KANK2: variants seen among roughly 807,000 people sequenced by gnomAD.
KANK2 encodes KN motif and ankyrin repeat domain-containing protein 2.
Under a neutral mutation model 74.6 loss-of-function variants are expected in KANK2, and 41 were observed. The ratio of observed to expected loss-of-function variants is 0.55; its 90% CI spans 0.43 to 0.71. The LOEUF (loss-of-function observed/expected upper bound fraction) is 0.71. KANK2 is among the 30% of genes least tolerant of loss of function. The pLI is 0.00. For synonymous variants in KANK2, 537 were observed against 519.0 expected (o/e 1.03, Z -0.47); for missense variants, 1,148 against 1,196.4 (o/e 0.96, Z 0.60).
At chr19:11,196,220 A>C (rs997072904) in intron 1 of KANK2, 1 of 152,158 alleles carries the variant, frequency 6.6e-6, no homozygotes, top group Non-Finnish European at 1.5e-5. Flanking sequence ...CACCACGCCT[A>C]GCTAATTCTG....
chr19:11,175,792 G>C (rs527537491), intron 8 of KANK2, 110 bp downstream of exon 8: 9 of 704,330 alleles, frequency 1.3e-5, no homozygotes, highest in Non-Finnish European at 2.2e-5. Flanking sequence ...TCAGTGTCAG[G>C]GTCCCCACTA....
In KANK2 at chr19:11,193,004, G is replaced by A. The variant is rs781350531; in HGVS notation, c.1076C>T (p.Pro359Leu). The A allele has an allele frequency of 1.2e-6, 2 of 1,613,750 alleles. No homozygotes were observed. The highest frequency in any genetic ancestry group is 1.7e-6 in the Non-Finnish European group (2 of 1,179,884). Residue 359 changes from proline (P) to leucine (L), a missense_variant, in exon 4 of 13, where the codon CCT (proline) becomes CTT (leucine). By Grantham distance (98) the Pro-to-Leu change is moderately conservative. Transcript: ENST00000586659. The surrounding 1 kb of genome is among the most constrained non-coding windows in gnomAD (Gnocchi z 9.6). ...APAQRAQSLE[P>L]YGTGLRALAM... ...CAGGGCCCTCAGCCCTGTGCCGTAA[G>A]GCTCCAGGCTCTGGGCCCGCTGTGC...
chr19:11,176,755 T>C lies in KANK2; in HGVS notation c.1583A>G (p.Glu528Gly). 2 of 1,605,016 alleles carry C rather than the reference T, an allele frequency of 1.2e-6. No homozygotes were observed. The highest frequency in any genetic ancestry group is 3.4e-5 in the Admixed American group (2 of 58,798). The change falls in exon 7 of 13, where the codon GAG (glutamate) becomes GGG (glycine). Residue 528 changes from glutamate (E) to glycine (G), a missense_variant. By Grantham distance (98) the Glu-to-Gly change is moderately conservative. Transcript: ENST00000586659. ...CTCCCTCGGCTCTGGGGCCTCGTTC[T>C]CTGTGCTGTCGTTGTCTGAGATGTT... is the stretch of plus-strand genomic sequence containing the variant. ...AENISDNDST[E>G]NEAPEPRERV...
intron 1 of KANK2, chr19:11,197,127 G>C (rs1364627666): frequency 6.6e-6 from 1 of 152,638 alleles, no homozygotes; most frequent in Non-Finnish European, 1.5e-5. Flanking sequence ...TGCGGGGAGA[G>C]GGCAGAGCCG....
intron 4 of KANK2, among the ~76,000 whole-genome samples, chr19:11,187,868 A>G (rs1330213328): frequency 6.6e-6 from 1 of 152,116 alleles, no homozygotes; most frequent in African/African-American, 2.4e-5. Flanking sequence ...TGGAAGGATC[A>G]CTTCAGTCCC....
chr19:11,189,975 C>T (rs922788750), intron 4 of KANK2, among the ~76,000 whole-genome samples: 59 of 152,178 alleles, frequency 3.9e-4, no homozygotes, highest in Non-Finnish European at 7.8e-4. Context: ...CAACACGGGC[C>T]GGCGAGAAAA....
chr19:11,194,106 G>A, intron 3 of KANK2, 64 bp from the exon 4 acceptor site: 1 of 1,496,770 alleles, frequency 6.7e-7, no homozygotes, highest in Non-Finnish European at 9.0e-7. Flanking sequence ...GGTGAAGACT[G>A]ATGCCTGGGG....
chr19:11,168,020 T>C lies in KANK2; in HGVS notation c.2503-1409A>G, dbSNP rs201540971. Among the ~76,000 whole-genome samples, 13 of 150,818 alleles carry C rather than the reference T, an allele frequency of 8.6e-5. No individual in the cohort carries two copies. In the East Asian group the frequency reaches 2.5e-3, roughly 29 times the overall value. On this transcript the variant is annotated intron_variant, in intron 12 of 12. Coordinates refer to ENST00000586659, the MANE Select transcript of KANK2 (RefSeq NM_001136191.3). ...CCACGTCCTTGTTTTTTTTTTTTTT[T>C]TTTTTTCTTTGAGACAGAGTTTTGC...
chr19:11,193,185 C>G lies in KANK2; in HGVS notation c.895G>C (p.Ala299Pro). 6.2e-7 allele frequency: 1 copy of G among 1,610,328 alleles called. No individual in the cohort carries two copies. Among genetic ancestry groups the G allele is most frequent in the Non-Finnish European group, 8.5e-7 (1 of 1,179,662 alleles). ...VAVLETQLKK[A>P]LQELQAAQAR... ...TGAGCTGCCTGCAGCTCCTGCAGCGCCTTCTTGAGCTGGGTCTCCAGCACA... is the reference window on the plus strand; with the variant it reads ...TGAGCTGCCTGCAGCTCCTGCAGCGGCTTCTTGAGCTGGGTCTCCAGCACA... The change falls in exon 4 of 13, where the codon GCG becomes CCG. Residue 299 changes from alanine (A) to proline (P), a missense_variant. Physicochemically the swap from Ala to Pro is conservative, Grantham distance 27. Coordinates refer to ENST00000586659, the MANE Select transcript of KANK2 (RefSeq NM_001136191.3). This position sits in a 1 kb window ranked among gnomAD's most constrained non-coding sequence, Gnocchi z 9.6.
intron 4 of KANK2, among the ~76,000 whole-genome samples, chr19:11,189,369 C>T (rs1032285013): frequency 1.2e-4 from 18 of 151,710 alleles, no homozygotes; most frequent in Admixed American, 7.9e-4. Context: ...GCTCAAAGGC[C>T]GAGAAGGTTG....
Position 11,176,051 on chromosome 19 carries a change from T to G in KANK2, c.1761-62A>C, listed in dbSNP as rs2078327705. The G allele has an allele frequency of 8.3e-6, 11 of 1,319,096 alleles. No individual in the cohort carries two copies. The East Asian group carries it at 2.6e-4, about 31-fold the overall frequency. 81.7% of individuals were successfully genotyped at this position (1,319,096 alleles called of 1,614,324 possible). On this transcript the variant is annotated intron_variant, in intron 7 of 12. Transcript: ENST00000586659. ...CCCGCTGCGGTGCCTGGGAAGGGAC[T>G]TGACATTCTGCACCACGTCACTCAC...
chr19:11,194,140 G>A, intron 3 of KANK2, 98 bp from the exon 4 acceptor site: 1 of 1,339,568 alleles, frequency 7.5e-7, no homozygotes, highest in Non-Finnish European at 1.0e-6. Flanking sequence ...ATTTGCCGAA[G>A]AGATGGGAGC....
intron 4 of KANK2, among the ~76,000 whole-genome samples, chr19:11,179,686 GAAACAAAAGA>G (rs1265561462): frequency 2.0e-5 from 3 of 151,224 alleles, no homozygotes; most frequent in South Asian, 2.1e-4. Context: ...AAAACGAAAC[GAAACAAAAGA>G]AAACAAAAGA....
At chr19:11,186,811 C>G (rs1026885199) in intron 4 of KANK2, among the ~76,000 whole-genome samples, 7 of 152,176 alleles carry the variant, frequency 4.6e-5, no homozygotes, top group Non-Finnish European at 8.8e-5. Context: ...ATAGGGACAG[C>G]CTTTTTTGGA....
chr19:11,182,144 A>G (rs12972345), intron 4 of KANK2, among the ~76,000 whole-genome samples: 14,797 of 151,658 alleles, frequency 0.098, 912 homozygotes, highest in African/African-American at 0.17. Context: ...TTGAACTCCC[A>G]ATCTCCAGTG....
intron 12 of KANK2, among the ~76,000 whole-genome samples, chr19:11,167,530 ATT>A (rs200058470): frequency 0.013 from 1,835 of 140,794 alleles, 41 homozygotes; most frequent in African/African-American, 0.045. Context: ...GGCCCAGCTA[ATT>A]TTTTTTTTTT....
At chr19:11,171,910 G>A (rs1459609163) in intron 10 of KANK2, among the ~76,000 whole-genome samples, 1 of 148,218 alleles carries the variant, frequency 6.7e-6, no homozygotes. Flanking sequence ...TACTGACCTC[G>A]TGATCTGCCC....
In KANK2 at chr19:11,174,648, G is replaced by A. The variant is rs1386881867; in HGVS notation, c.1893C>T (p.Ala631=). 1.2e-6 allele frequency: 2 copies of A among 1,609,722 alleles called. No homozygotes were observed. Among genetic ancestry groups the A allele is most frequent in the Non-Finnish European group, 1.7e-6 (2 of 1,178,922 alleles). ...GCTCGGGGTGTGCGTCGCTGCGGCA[G>A]GCCAGGCGCAGCCACTCCTGCAGCA... ...TTVLQEWLRL[A]CRSDAHPELV... Residue 631 remains alanine (A), a synonymous_variant, in exon 9 of 13, where the codon GCC becomes GCT. Coordinates refer to ENST00000586659, the MANE Select transcript of KANK2 (RefSeq NM_001136191.3).
At chr19:11,169,761 A>C (rs1436802804) in intron 12 of KANK2, 116 bp downstream of exon 12, 2 of 840,304 alleles carry the variant, frequency 2.4e-6, no homozygotes, top group African/African-American at 3.3e-5. Flanking sequence ...AGATCGTGCC[A>C]CCGCACTCCA....
Sources: gnomAD v4.1 joint callset for allele counts (sites outside exome capture counted in the v4.1 genomes callset) on GRCh38, gnomAD v4.1.1 for gene constraint, Gnocchi (gnomAD v3.1) non-coding constraint, MANE v1.5 for transcripts, NCBI Gene and HGNC (gene_info 2026-07-23, HGNC 2026-07-21) for gene names.